Variants in IFT43 observed in about 807,000 individuals in gnomAD.
The protein encoded by IFT43 is intraflagellar transport 43.
Under a neutral mutation model 32.3 loss-of-function variants are expected in IFT43, and 33 were observed. That is an observed-to-expected ratio of 1.02 (90% confidence interval 0.77 to 1.37). IFT43 has a LOEUF of 1.37. Among genes scored for constraint, IFT43 ranks in the 40% most tolerant of loss-of-function variants. The probability of loss-of-function intolerance (pLI) is 0.00; values close to 1 mark genes in which losing one functional copy is unlikely to be tolerated. For missense variants in IFT43, 274 were observed against 265.9 expected (o/e 1.03, Z -0.21); for synonymous variants, 93 against 98.2 (o/e 0.95, Z 0.31).
At chr14:76,005,846 T>C (rs2035970809) in intron 2 of IFT43, among the ~76,000 whole-genome samples, 1 of 152,240 alleles carries the variant, frequency 6.6e-6, no homozygotes, top group Non-Finnish European at 1.5e-5. Flanking sequence ...TATCTTCTAA[T>C]AGTGGTTTTA....
chr14:75,999,279 ATATTTT>A (rs1566699797), intron 2 of IFT43, among the ~76,000 whole-genome samples: 5 of 20,672 alleles, frequency 2.4e-4, no homozygotes, highest in African/African-American at 6.0e-4. Flanking sequence ...ATATGTATAT[ATATTTT>A]TTTTTTTTTT....
intron 3 of IFT43, among the ~76,000 whole-genome samples, chr14:76,050,373 GTTTGGATGTGGTGGGAGTA>G (rs2036890729): frequency 1.3e-5 from 2 of 152,266 alleles, no homozygotes; most frequent in African/African-American, 4.8e-5. Context: ...GCAGCTGACA[GTTTGGATGTGGTGGGAGTA>G]TTTGGATGTG....
At chr14:76,050,805 A>G (rs1422691724) in intron 3 of IFT43, among the ~76,000 whole-genome samples, 1 of 152,200 alleles carries the variant, frequency 6.6e-6, no homozygotes, top group Non-Finnish European at 1.5e-5. Flanking sequence ...GAATAAAAAA[A>G]TGTTCATTTG....
At chr14:76,056,690 C>G (rs147243842) in intron 3 of IFT43, among the ~76,000 whole-genome samples, 85 of 152,214 alleles carry the variant, frequency 5.6e-4, no homozygotes, top group African/African-American at 2.0e-3. Flanking sequence ...CCAAGCACAT[C>G]TACCCTTGGT....
chr14:76,073,549 C>T (rs1594864226), intron 5 of IFT43, among the ~76,000 whole-genome samples: 1 of 152,130 alleles, frequency 6.6e-6, no homozygotes, highest in Admixed American at 6.5e-5. Flanking sequence ...TAGGCTCTAC[C>T]AGCTTTCTGA....
chr14:76,037,823 G>A (rs1395059546), intron 3 of IFT43, among the ~76,000 whole-genome samples: 1 of 152,080 alleles, frequency 6.6e-6, no homozygotes, highest in Non-Finnish European at 1.5e-5. Flanking sequence ...ATCTGGGTCT[G>A]TAGGGCTTGG....
intron 2 of IFT43, among the ~76,000 whole-genome samples, chr14:76,006,070 T>C (rs1439713396): frequency 6.6e-6 from 1 of 152,120 alleles, no homozygotes; most frequent in Non-Finnish European, 1.5e-5. Context: ...CGTTCTGATA[T>C]ATTAGCTATC....
intron 7 of IFT43, 115 bp downstream of exon 7, chr14:76,082,807 G>C: frequency 1.2e-6 from 1 of 816,622 alleles, no homozygotes; most frequent in Non-Finnish European, 2.2e-6. Flanking sequence ...CCCTGAGGCT[G>C]CCTGCCTGGC....
At chr14:76,012,874 A>G (rs2036112838) in intron 2 of IFT43, among the ~76,000 whole-genome samples, 1 of 152,204 alleles carries the variant, frequency 6.6e-6, no homozygotes, top group Non-Finnish European at 1.5e-5. Flanking sequence ...GAATTTCAGG[A>G]GAGTAATTTA....
At chr14:76,040,697 CA>C (rs2036689945) in intron 3 of IFT43, among the ~76,000 whole-genome samples, 3 of 152,258 alleles carry the variant, frequency 2.0e-5, no homozygotes, top group African/African-American at 7.2e-5. Flanking sequence ...GCTTCCCATT[CA>C]AAGGGGACAG....
At chr14:76,018,117 A>G (rs2036223091) in intron 2 of IFT43, among the ~76,000 whole-genome samples, 1 of 145,228 alleles carries the variant, frequency 6.9e-6, no homozygotes, top group South Asian at 2.1e-4. Context: ...CTGCATTTCT[A>G]GTTCCCTGAG....
intron 3 of IFT43, among the ~76,000 whole-genome samples, chr14:76,047,585 A>G (rs1172658436): frequency 6.6e-6 from 1 of 152,196 alleles, no homozygotes; most frequent in Non-Finnish European, 1.5e-5. Flanking sequence ...CAGAACAAGG[A>G]GGAAAATGCC....
chr14:76,076,575 A>G, intron 5 of IFT43: 1 of 1,613,884 alleles, frequency 6.2e-7, no homozygotes, highest in Non-Finnish European at 8.5e-7. Context: ...AGTCCAATCT[A>G]AGAAGTCACT....
intron 3 of IFT43, among the ~76,000 whole-genome samples, chr14:76,028,463 T>TA (rs1372840864): frequency 2.0e-5 from 3 of 152,182 alleles, no homozygotes; most frequent in Non-Finnish European, 4.4e-5. Flanking sequence ...TCATGGATTT[T>TA]AAAAAAATCT....
In IFT43 at chr14:76,064,079, C is replaced by T. The variant is rs969925952; in HGVS notation, c.295+4706C>T. Reference sequence around the variant, plus strand: ...ATTAGAGGTCAGAACACTCCACACTCTAAGATTTAGTAAGACCATACTCTC... The same window carrying T: ...ATTAGAGGTCAGAACACTCCACACTTTAAGATTTAGTAAGACCATACTCTC... On this transcript the variant is annotated intron_variant, in intron 5 of 8. Coordinates refer to ENST00000314067, the MANE Select transcript of IFT43 (RefSeq NM_001102564.3). 1.7e-4 allele frequency among the ~76,000 whole-genome samples: 26 copies of T among 152,284 alleles called. 1 individual carries two copies. The South Asian group carries it at 5.4e-3, about 32-fold the overall frequency.
chr14:76,019,059 G>A (rs2036242164), intron 2 of IFT43, among the ~76,000 whole-genome samples: 1 of 151,966 alleles, frequency 6.6e-6, no homozygotes, highest in African/African-American at 2.4e-5. Flanking sequence ...TTGTTTTCTG[G>A]TTGTTTTATA....
intron 1 of IFT43, chr14:75,986,264 T>C (rs1012498703): frequency 7.8e-7 from 1 of 1,281,038 alleles, no homozygotes; most frequent in Non-Finnish European, 1.0e-6. Flanking sequence ...AGCCGCACTG[T>C]TTTATGCATG....
At chr14:76,082,445 T>C in intron 6 of IFT43, 78 bp downstream of exon 6, 4 of 477,682 alleles carry the variant, frequency 8.4e-6, no homozygotes, top group Non-Finnish European at 1.4e-5. Context: ...ATAGTGGACC[T>C]TGATGTCAAT....
chr14:75,990,232 G>A (rs1280845769), intron 2 of IFT43, among the ~76,000 whole-genome samples: 3 of 152,232 alleles, frequency 2.0e-5, no homozygotes, highest in Non-Finnish European at 4.4e-5. Flanking sequence ...GATTCTTCAA[G>A]AGATGCTGGC....
Sources: gnomAD v4.1 joint callset for allele counts (sites outside exome capture counted in the v4.1 genomes callset) on GRCh38, gnomAD v4.1.1 for gene constraint, MANE v1.5 for transcripts, NCBI Gene and HGNC (gene_info 2026-07-23, HGNC 2026-07-21) for gene names.